Variants in CACNB2 observed in about 807,000 individuals in gnomAD.
CACNB2 encodes the protein calcium voltage-gated channel auxiliary subunit beta 2.
Under a neutral mutation model 73.3 loss-of-function variants are expected in CACNB2, and 42 were observed. The ratio of observed to expected loss-of-function variants is 0.57; its 90% confidence interval spans 0.45 to 0.74. The LOEUF is 0.74. Ranked by LOEUF, CACNB2 falls within the 30% of genes least tolerant of loss-of-function variation. The probability of loss-of-function intolerance (pLI) is 0.00; values close to 1 mark genes in which losing one functional copy is unlikely to be tolerated. For synonymous variants in CACNB2, 348 were observed against 310.3 expected, an observed-to-expected ratio of 1.12 and a Z score of -1.28; for missense variants, 940 against 853.0, an observed-to-expected ratio of 1.10 and a Z score of -1.27.
At chr10:18,471,732 T>A (rs1026463505) in intron 3 of CACNB2, among the ~76,000 whole-genome samples, 11 of 152,232 alleles carry the variant, frequency 7.2e-5, no homozygotes, top group Non-Finnish European at 1.0e-4. Context: ...GTACTTAATA[T>A]ACCTGTTGAA....
chr10:18,232,387 C>G (rs111697874), intron 2 of CACNB2, among the ~76,000 whole-genome samples: 3 of 152,092 alleles, frequency 2.0e-5, no homozygotes, highest in Admixed American at 2.0e-4. Flanking sequence ...GAGCACAGAC[C>G]GGGCTCCACA....
intron 1 of CACNB2, among the ~76,000 whole-genome samples, chr10:18,147,924 A>G (rs2031152273): frequency 6.6e-6 from 1 of 152,146 alleles, no homozygotes; most frequent in Non-Finnish European, 1.5e-5. Context: ...TTAGATTAAA[A>G]TAAATTTAAT....
intron 2 of CACNB2, among the ~76,000 whole-genome samples, chr10:18,217,146 T>A (rs2035544409): frequency 6.6e-6 from 1 of 152,124 alleles, no homozygotes; most frequent in Admixed American, 6.6e-5. Context: ...CCTTCCCACA[T>A]GGGGCTTCCA....
intron 3 of CACNB2, among the ~76,000 whole-genome samples, chr10:18,421,911 T>C (rs2045345080): frequency 6.6e-6 from 1 of 152,172 alleles, no homozygotes; most frequent in Admixed American, 6.5e-5. Flanking sequence ...CCACATAAAT[T>C]CTTAGAGTTC....
chr10:18,527,352 G>A (rs2052574520), intron 9 of CACNB2, among the ~76,000 whole-genome samples: 1 of 151,864 alleles, frequency 6.6e-6, no homozygotes, highest in Non-Finnish European at 1.5e-5. Flanking sequence ...TTGCAGCCTG[G>A]GCAGCCTGGG....
chr10:18,515,431 C>T (rs563509298), intron 7 of CACNB2, among the ~76,000 whole-genome samples: 3 of 152,306 alleles, frequency 2.0e-5, no homozygotes, highest in Non-Finnish European at 4.4e-5. Context: ...TATTCTCACA[C>T]GCAGATGTGA....
At chr10:18,491,531 T>G (rs2049423638) in intron 3 of CACNB2, among the ~76,000 whole-genome samples, 1 of 152,092 alleles carries the variant, frequency 6.6e-6, no homozygotes, top group South Asian at 2.1e-4. Context: ...GAGGCTACAG[T>G]GAGCCATGAT....
At chr10:18,398,123 A>G (rs955593335) in intron 2 of CACNB2, among the ~76,000 whole-genome samples, 7 of 152,232 alleles carry the variant, frequency 4.6e-5, no homozygotes, top group Admixed American at 1.3e-4. Flanking sequence ...GATGACCCAG[A>G]AAGTCCATAT....
At chr10:18,508,496 A>C (rs1345866485) in intron 6 of CACNB2, among the ~76,000 whole-genome samples, 2 of 152,162 alleles carry the variant, frequency 1.3e-5, no homozygotes, top group Non-Finnish European at 1.5e-5. Context: ...AGGGACTGCT[A>C]CTAGGCTCTT....
At chr10:18,333,474 A>G (rs1243291703) in intron 2 of CACNB2, among the ~76,000 whole-genome samples, 3 of 151,764 alleles carry the variant, frequency 2.0e-5, no homozygotes, top group African/African-American at 7.3e-5. Context: ...GACAACATAG[A>G]TTGCTATGTT....
At chr10:18,364,821 C>A (rs530463622) in intron 2 of CACNB2, among the ~76,000 whole-genome samples, 2 of 152,040 alleles carry the variant, frequency 1.3e-5, no homozygotes, top group East Asian at 1.9e-4. Context: ...ATTTTCCATG[C>A]GATATTTCTT....
chr10:18,202,361 T>C (rs944931971), intron 2 of CACNB2, among the ~76,000 whole-genome samples: 1 of 152,220 alleles, frequency 6.6e-6, no homozygotes, highest in Non-Finnish European at 1.5e-5. Context: ...CTGGCTATGA[T>C]TGAGTACATA....
intron 10 of CACNB2, among the ~76,000 whole-genome samples, chr10:18,528,782 A>G (rs2052721212): frequency 6.6e-6 from 1 of 151,772 alleles, no homozygotes; most frequent in Non-Finnish European, 1.5e-5. Flanking sequence ...TTATGTCCTT[A>G]TCATCTGTCA....
chr10:18,218,513 A>G (rs2035601977), intron 2 of CACNB2, among the ~76,000 whole-genome samples: 1 of 152,196 alleles, frequency 6.6e-6, no homozygotes, highest in Non-Finnish European at 1.5e-5. Flanking sequence ...TAGCACTGCC[A>G]TTCAATTAGC....
In CACNB2 at chr10:18,498,545, A is replaced by G. The variant is rs115414903; in HGVS notation, c.456+68A>G. The G allele has an allele frequency of 9.2e-4, 1,404 of 1,523,546 alleles. 12 individuals carry two copies. In the African/African-American group the frequency reaches 0.016, roughly 18 times the overall value. 94.4% of individuals were successfully genotyped at this position (1,523,546 alleles called of 1,614,324 possible). A position where few individuals can be genotyped will look rare whatever the true frequency, so the allele number is the denominator to read the frequency against. ...CTTGACATACCATTTCTTATTTCCTATTCATATGCCGTTTCTGTGAAGTAG... is the reference window on the plus strand; with the variant it reads ...CTTGACATACCATTTCTTATTTCCTGTTCATATGCCGTTTCTGTGAAGTAG... On this transcript the variant is annotated intron_variant, in intron 4 of 13. Coordinates refer to ENST00000324631, the MANE Select transcript of CACNB2 (RefSeq NM_201596.3).
chr10:18,491,602 G>C (rs886221145), intron 3 of CACNB2, among the ~76,000 whole-genome samples: 2 of 151,972 alleles, frequency 1.3e-5, no homozygotes, highest in Non-Finnish European at 2.9e-5. Flanking sequence ...AAACAATCTG[G>C]TAGGCTTCCA....
At chr10:18,218,089 G>A (rs781144740) in intron 2 of CACNB2, among the ~76,000 whole-genome samples, 4 of 152,162 alleles carry the variant, frequency 2.6e-5, no homozygotes, top group South Asian at 4.1e-4. Flanking sequence ...AACAGATGGT[G>A]CACACTGCTG....
chr10:18,181,812 G>A (rs994557965), intron 2 of CACNB2: 1 of 151,124 alleles, frequency 6.6e-6, no homozygotes, highest in Non-Finnish European at 1.5e-5. Flanking sequence ...TACAGAGATG[G>A]AGTCTTGACA....
intron 9 of CACNB2, among the ~76,000 whole-genome samples, chr10:18,526,521 T>A (rs946284836): frequency 1.3e-5 from 2 of 152,244 alleles, no homozygotes; most frequent in Non-Finnish European, 2.9e-5. Flanking sequence ...CTTTTCGCCC[T>A]AACTTCATTC....
Sources: gnomAD v4.1 joint callset for allele counts (sites outside exome capture counted in the v4.1 genomes callset) on GRCh38, gnomAD v4.1.1 for gene constraint, MANE v1.5 for transcripts, NCBI Gene and HGNC (gene_info 2026-07-23, HGNC 2026-07-21) for gene names.